Variants in ADAM10 observed in about 807,000 individuals in gnomAD.
The protein encoded by ADAM10 is ADAM metallopeptidase domain 10.
In ADAM10, 17 loss-of-function variants were observed where a neutral mutation model predicts 90.1. That is an observed-to-expected ratio of 0.19 (90% confidence interval 0.13 to 0.28). The LOEUF (loss-of-function observed/expected upper bound fraction) is 0.28. Ranked by LOEUF, ADAM10 falls within the 10% of genes least tolerant of loss-of-function variation. ADAM10 has a pLI of 1.00. For synonymous variants in ADAM10, 310 were observed against 298.6 expected (o/e 1.04, Z -0.40); for missense variants, 610 against 914.3 (o/e 0.67, Z 4.29).
At chr15:58,624,438 TAC>T (rs1895878667) in intron 10 of ADAM10, among the ~76,000 whole-genome samples, 1 of 152,250 alleles carries the variant, frequency 6.6e-6, no homozygotes, top group Admixed American at 6.5e-5. Flanking sequence ...CAGAAAATGT[TAC>T]ATACATTATT....
intron 4 of ADAM10, among the ~76,000 whole-genome samples, chr15:58,667,102 T>C (rs1468511209): frequency 2.0e-5 from 3 of 152,176 alleles, no homozygotes; most frequent in Non-Finnish European, 1.5e-5. Flanking sequence ...GGATGCACTG[T>C]AGTTCCCCTG....
chr15:58,686,363 A>C (rs1897601788), intron 2 of ADAM10: 2 of 773,474 alleles, frequency 2.6e-6, no homozygotes, highest in Non-Finnish European at 4.4e-6. Flanking sequence ...ACCTATCCTA[A>C]TAAAGCTTAA....
intron 2 of ADAM10, chr15:58,686,493 T>G (rs1897607534): frequency 6.3e-6 from 9 of 1,420,972 alleles, no homozygotes; most frequent in African/African-American, 1.4e-5. Flanking sequence ...AGGATCAATG[T>G]CTCTCAGGCA....
At chr15:58,633,483 C>T (rs1896157622) in intron 8 of ADAM10, 124 bp from the exon 9 acceptor site, 6 of 818,568 alleles carry the variant, frequency 7.3e-6, no homozygotes, top group South Asian at 3.5e-5. Flanking sequence ...GGTACTCAAA[C>T]GTATCACATA....
intron 14 of ADAM10, among the ~76,000 whole-genome samples, chr15:58,608,037 T>C (rs953770821): frequency 1.2e-4 from 19 of 152,344 alleles, no homozygotes; most frequent in African/African-American, 4.3e-4. Flanking sequence ...CATTTTATCC[T>C]GTCCAAACAC....
intron 1 of ADAM10, among the ~76,000 whole-genome samples, chr15:58,739,347 A>C (rs1899529247): frequency 6.7e-6 from 1 of 150,364 alleles, no homozygotes; most frequent in Non-Finnish European, 1.5e-5. Flanking sequence ...TCTACCAAAA[A>C]TACAAAAAAA....
chr15:58,647,248 A>ATTTCTTTTTTTTTTT lies in ADAM10; in HGVS notation c.586-1045_586-1044insAAAAAAAAAAAGAAA, dbSNP rs1162350060. Reference sequence around the variant, plus strand: ...TGGCAGCAAAGAGTAGACACTAAGTATTTTTTTTTTTTTTTTTTTTTTTTT... The same window carrying ATTTCTTTTTTTTTTT: ...TGGCAGCAAAGAGTAGACACTAAGTATTTCTTTTTTTTTTTTTTTTTTTTTTTTTTTTTTTTTTTT... On this transcript the variant is annotated intron_variant, in intron 5 of 15. Transcript: ENST00000260408. Among the ~76,000 whole-genome samples, 64 of 59,604 alleles carry ATTTCTTTTTTTTTTT rather than the reference A, an allele frequency of 1.1e-3. 16 individuals carry two copies. The highest frequency in any genetic ancestry group is 3.2e-3 in the African/African-American group (60 of 18,648). 39.1% of individuals were successfully genotyped at this position (59,604 alleles called of 152,430 possible).
At chr15:58,742,222 G>C (rs1230184949) in intron 1 of ADAM10, among the ~76,000 whole-genome samples, 1 of 152,098 alleles carries the variant, frequency 6.6e-6, no homozygotes, top group East Asian at 1.9e-4. Flanking sequence ...ATCTCACATT[G>C]TTTACTTGCA....
intron 10 of ADAM10, among the ~76,000 whole-genome samples, chr15:58,622,139 A>T (rs1305385291): frequency 1.3e-5 from 2 of 152,202 alleles, no homozygotes; most frequent in African/African-American, 2.4e-5. Context: ...TTTTTTCTGG[A>T]GTATTTTAAA....
chr15:58,635,210 G>C (rs1896215254), intron 8 of ADAM10, among the ~76,000 whole-genome samples: 1 of 143,234 alleles, frequency 7.0e-6, no homozygotes, highest in South Asian at 2.2e-4. Context: ...AGGAAGTGGA[G>C]CTTGCAGTGA....
At chr15:58,739,503 C>T (rs1018474812) in intron 1 of ADAM10, among the ~76,000 whole-genome samples, 1 of 151,654 alleles carries the variant, frequency 6.6e-6, no homozygotes, top group African/African-American at 2.4e-5. Flanking sequence ...GGTGACAGAG[C>T]GAGACTCCGT....
chr15:58,713,638 A>T (rs1282399746), intron 2 of ADAM10, among the ~76,000 whole-genome samples: 1 of 152,194 alleles, frequency 6.6e-6, no homozygotes, highest in Admixed American at 6.5e-5. Context: ...TTAATTTCTC[A>T]GCCAAGCTAA....
intron 2 of ADAM10, among the ~76,000 whole-genome samples, chr15:58,708,307 A>T (rs1431044465): frequency 6.6e-6 from 1 of 152,058 alleles, no homozygotes. Flanking sequence ...CTTGCTTAGG[A>T]TATATAAGGG....
chr15:58,723,705 C>CAAAAACT (rs1216341424), intron 1 of ADAM10, among the ~76,000 whole-genome samples: 2 of 150,996 alleles, frequency 1.3e-5, no homozygotes, highest in African/African-American at 4.9e-5. Flanking sequence ...GCCTCCACCT[C>CAAAAACT]AAAAAATAAA....
chr15:58,691,128 C>A (rs751459557), intron 2 of ADAM10: 6 of 681,376 alleles, frequency 8.8e-6, no homozygotes, highest in Non-Finnish European at 1.7e-5. Flanking sequence ...GGTCACAATG[C>A]GGCAGGGTGA....
intron 1 of ADAM10, among the ~76,000 whole-genome samples, chr15:58,720,394 ATT>A (rs780860408): frequency 6.9e-6 from 1 of 145,706 alleles, no homozygotes; most frequent in Non-Finnish European, 1.5e-5. Flanking sequence ...ATTTTATTTT[ATT>A]TTATTTTATT....
intron 5 of ADAM10, among the ~76,000 whole-genome samples, chr15:58,659,651 C>A (rs1475219760): frequency 1.3e-5 from 2 of 152,026 alleles, no homozygotes; most frequent in African/African-American, 2.4e-5. Flanking sequence ...AGGAATATTG[C>A]CCTGTAGCTT....
intron 2 of ADAM10, among the ~76,000 whole-genome samples, chr15:58,687,028 T>C (rs1434466813): frequency 1.3e-5 from 2 of 152,238 alleles, no homozygotes; most frequent in African/African-American, 4.8e-5. Flanking sequence ...ACTTGTAAAC[T>C]GTTGTTCCTG....
At chr15:58,709,538 A>T (rs1290573516) in intron 2 of ADAM10, among the ~76,000 whole-genome samples, 16 of 152,120 alleles carry the variant, frequency 1.1e-4, no homozygotes, top group African/African-American at 3.9e-4. Context: ...CAGGAGTTCG[A>T]GACCAGCCTG....
Sources: allele counts gnomAD v4.1 joint callset (sites outside exome capture counted in the v4.1 genomes callset), GRCh38; gene constraint gnomAD v4.1.1; transcripts MANE v1.5; gene names NCBI Gene and HGNC (gene_info 2026-07-23, HGNC 2026-07-21).